SOX6: variants seen among roughly 807,000 people sequenced by gnomAD.
SOX6 encodes SRY-box transcription factor 6.
In SOX6, 11 loss-of-function variants were observed where a neutral mutation model predicts 97.8. The observed-to-expected ratio is 0.11, with a 90% confidence interval of 0.07 to 0.19. The LOEUF is 0.19. SOX6 is among the 10% of genes least tolerant of loss of function. SOX6 has a pLI of 1.00. For synonymous variants in SOX6, 360 were observed against 371.4 expected (o/e 0.97, Z 0.35); for missense variants, 810 against 1,039.5 (o/e 0.78, Z 3.04).
At chr11:16,440,141 G>A (rs1198021695) in intron 1 of SOX6, among the ~76,000 whole-genome samples, 36 of 152,160 alleles carry the variant, frequency 2.4e-4, no homozygotes, top group Admixed American at 2.0e-3. Flanking sequence ...TGTGTTGAAA[G>A]GTGTCTGCTC....
intron 2 of SOX6, among the ~76,000 whole-genome samples, chr11:16,337,516 G>A (rs549913205): frequency 2.6e-5 from 4 of 152,160 alleles, no homozygotes; most frequent in African/African-American, 9.6e-5. Flanking sequence ...AGCCTAATGA[G>A]TCAGTCCTAA....
At chr11:15,973,416 A>T (rs1050408308) in intron 15 of SOX6, among the ~76,000 whole-genome samples, 4 of 152,226 alleles carry the variant, frequency 2.6e-5, no homozygotes, top group Non-Finnish European at 4.4e-5. Flanking sequence ...ATTAGGAACA[A>T]ATGATGTAGT....
intron 6 of SOX6, among the ~76,000 whole-genome samples, chr11:16,134,712 T>G (rs1382690555): frequency 6.6e-6 from 1 of 152,222 alleles, no homozygotes; most frequent in Admixed American, 6.5e-5. Context: ...ACCACACCAG[T>G]GCAAGAGAGT....
At chr11:16,020,356 T>C (rs1450926995) in intron 12 of SOX6, among the ~76,000 whole-genome samples, 1 of 152,088 alleles carries the variant, frequency 6.6e-6, no homozygotes, top group Non-Finnish European at 1.5e-5. Flanking sequence ...GCCTGATCCT[T>C]GGCACTGTCC....
At position 16,275,923 on chromosome 11, in the gene SOX6, C is replaced by T. The variant is rs531002585; in HGVS notation, c.446-41252G>A. On this transcript the variant is annotated intron_variant, in intron 3 of 15. Coordinates refer to ENST00000683767, the MANE Select transcript of SOX6 (RefSeq NM_001367873.1). ...TGTAGTTATCTGGGAGACTTTTCTT[C>T]TCTTTTTACCTATAGTGGAATAAAT... is the stretch of plus-strand genomic sequence containing the variant. 2.6e-5 allele frequency among the ~76,000 whole-genome samples: 4 copies of T among 152,190 alleles called. No homozygotes were observed. The South Asian group carries it at 8.3e-4, about 32-fold the overall frequency.
At chr11:16,152,798 C>T (rs1373272615) in intron 6 of SOX6, among the ~76,000 whole-genome samples, 4 of 151,672 alleles carry the variant, frequency 2.6e-5, no homozygotes, top group African/African-American at 4.8e-5. Flanking sequence ...CTCACTCTAT[C>T]GCCCAGGCGA....
intron 3 of SOX6, among the ~76,000 whole-genome samples, chr11:16,244,445 G>C (rs1853278322): frequency 6.6e-6 from 1 of 151,608 alleles, no homozygotes; most frequent in Non-Finnish European, 1.5e-5. Context: ...ACTTTAATGT[G>C]ATTTGATTAT....
chr11:16,508,848 C>A (rs1860833296), intron 4 of SOX6, among the ~76,000 whole-genome samples: 1 of 152,046 alleles, frequency 6.6e-6, no homozygotes, highest in African/African-American at 2.4e-5. Context: ...ATGTTCCCAA[C>A]ACATAGAAAT....
intron 4 of SOX6, among the ~76,000 whole-genome samples, chr11:16,514,816 G>C (rs915732576): frequency 6.6e-5 from 10 of 151,072 alleles, no homozygotes. Flanking sequence ...TTGTGCTTGC[G>C]ATAGTTTACT....
intron 6 of SOX6, among the ~76,000 whole-genome samples, chr11:16,135,173 C>G (rs1849929192): frequency 6.6e-6 from 1 of 152,084 alleles, no homozygotes; most frequent in East Asian, 1.9e-4. Context: ...AAAAAAGATT[C>G]CTTTCAAAAT....
In SOX6 at chr11:16,132,440, AGAAAAAAGAAAGAAAGAAAGAAAG is replaced by A. The variant is rs1849825800; in HGVS notation, c.778-20541_778-20518del. Among the ~76,000 whole-genome samples, 24 of 100,212 alleles carry A rather than the reference AGAAAAAAGAAAGAAAGAAAGAAAG, an allele frequency of 2.4e-4. 1 individual carries two copies. Among genetic ancestry groups the A allele is most frequent in the Admixed American group, 1.3e-3 (11 of 8,538 alleles). 65.7% of individuals were successfully genotyped at this position (100,212 alleles called of 152,430 possible). A position where few individuals can be genotyped will look rare whatever the true frequency, so the allele number is the denominator to read the frequency against. ...AAGAAAGAAAGAAAGAAAGAAAGAA[AGAAAAAAGAAAGAAAGAAAGAAAG>A]AAAGAAAGAAAGAAAGAAAGAAAGA... On this transcript the variant is annotated intron_variant, in intron 6 of 15. Transcript: ENST00000683767.
At chr11:16,156,727 T>C (rs772573897) in intron 6 of SOX6, among the ~76,000 whole-genome samples, 1 of 151,988 alleles carries the variant, frequency 6.6e-6, no homozygotes, top group Non-Finnish European at 1.5e-5. Context: ...CCACTTCACA[T>C]ACTTTGTAAT....
intron 1 of SOX6, among the ~76,000 whole-genome samples, chr11:16,384,610 A>G (rs1369524533): frequency 6.6e-6 from 1 of 151,924 alleles, no homozygotes; most frequent in Non-Finnish European, 1.5e-5. Flanking sequence ...AAATGTTTAA[A>G]CAACTCTAGG....
At chr11:16,361,119 A>G (rs1238308021), upstream of SOX6, among the ~76,000 whole-genome samples, 2 of 152,192 alleles carry the variant, frequency 1.3e-5, no homozygotes, top group Admixed American at 6.5e-5. Flanking sequence ...CCAGTAACTT[A>G]GTTACTATTA....
At chr11:16,358,631 G>A (rs996816054), upstream of SOX6, among the ~76,000 whole-genome samples, 12 of 152,098 alleles carry the variant, frequency 7.9e-5, no homozygotes. Flanking sequence ...CCATAAGAGG[G>A]AAAGAAATTA....
At chr11:16,466,095 T>C (rs1421522233) in intron 1 of SOX6, among the ~76,000 whole-genome samples, 2 of 152,240 alleles carry the variant, frequency 1.3e-5, no homozygotes, top group South Asian at 4.1e-4. Context: ...TTATTCTTTT[T>C]ATACTGTCAT....
At chr11:16,274,383 C>T (rs569988340) in intron 3 of SOX6, among the ~76,000 whole-genome samples, 2 of 152,066 alleles carry the variant, frequency 1.3e-5, no homozygotes, top group African/African-American at 4.8e-5. Context: ...TGCCCACTCA[C>T]TTATCCTTCC....
intron 6 of SOX6, among the ~76,000 whole-genome samples, chr11:16,164,561 C>T (rs931381587): frequency 1.3e-5 from 2 of 152,274 alleles, no homozygotes; most frequent in Middle Eastern, 3.4e-3. Flanking sequence ...CAGTGGCTCA[C>T]GCCTGTAATC....
rs79383770 is a variant in SOX6 at position 16,322,811 on chromosome 11, T to C, written c.238-4158A>G. On this transcript the variant is annotated intron_variant, in intron 2 of 15. Coordinates refer to ENST00000683767, the MANE Select transcript of SOX6 (RefSeq NM_001367873.1). ...AATACTGCTCCCTAAAGAACAATGA[T>C]ATAAATGTGTTTTGCCTTAATATTA... Among the ~76,000 whole-genome samples the C allele has an allele frequency of 5.4e-3, 825 of 152,294 alleles. 4 individuals are homozygous for C. Among genetic ancestry groups the C allele is most frequent in the African/African-American group, 0.019 (792 of 41,556 alleles).
Sources: allele counts gnomAD v4.1 joint callset (sites outside exome capture counted in the v4.1 genomes callset), GRCh38; gene constraint gnomAD v4.1.1; transcripts MANE v1.5; gene names NCBI Gene and HGNC (gene_info 2026-07-23, HGNC 2026-07-21).